SGCD: variants seen among roughly 807,000 people sequenced by gnomAD.
SGCD encodes sarcoglycan delta, also known as delta-sarcoglycan.
In SGCD, 18 loss-of-function variants were observed where a neutral mutation model predicts 36.6. The ratio of observed to expected loss-of-function variants is 0.49; its 90% CI spans 0.34 to 0.73. SGCD has a LOEUF of 0.73. SGCD is among the 30% of genes least tolerant of loss of function. The pLI, the probability that SGCD is intolerant of heterozygous loss-of-function variation, is 0.01. For synonymous variants in SGCD, 133 were observed against 130.6 expected, an observed-to-expected ratio of 1.02 and a Z score of -0.12; for missense variants, 387 against 346.7, an observed-to-expected ratio of 1.12 and a Z score of -0.92.
At chr5:155,890,034 A>G (rs995819542) in intron 1 of SGCD, among the ~76,000 whole-genome samples, 1 of 152,246 alleles carries the variant, frequency 6.6e-6, no homozygotes, top group East Asian at 1.9e-4. Flanking sequence ...ATCAAAGTGC[A>G]GATTCTAAGA....
chr5:156,734,278 G>A (rs565070048), intron 7 of SGCD, among the ~76,000 whole-genome samples: 95 of 151,738 alleles, frequency 6.3e-4, no homozygotes, highest in Middle Eastern at 3.4e-3. Context: ...CCTTTTGTAG[G>A]TGACCTGTCC....
chr5:155,799,643 G>T, the SGCD span, among the ~76,000 whole-genome samples: 1 of 151,362 alleles, frequency 6.6e-6, no homozygotes, highest in African/African-American at 2.4e-5. Flanking sequence ...TGGTCTGCTC[G>T]CCTCGGCCTC....
Position 156,593,827 on chromosome 5 carries a change from A to G in SGCD, c.383-1105A>G, listed in dbSNP as rs181500828. On this transcript the variant is annotated intron_variant, in intron 5 of 8. Transcript: ENST00000337851. ...GACTCTCTCATTGCTATTTATTATT[A>G]AGTGACACTCTTTTGAAAAATACCA... is the stretch of plus-strand genomic sequence containing the variant. 1.8e-3 allele frequency among the ~76,000 whole-genome samples: 277 copies of G among 152,280 alleles called. 4 individuals carry two copies. The highest frequency in any genetic ancestry group is 6.4e-3 in the African/African-American group (268 of 41,562).
Position 155,954,324 on chromosome 5 carries a change from G to A in SGCD, c.-282+83900G>A, listed in dbSNP as rs146219883. 3.0e-4 allele frequency among the ~76,000 whole-genome samples: 45 copies of A among 152,198 alleles called. No homozygotes were observed. The East Asian group carries it at 7.0e-3, about 24-fold the overall frequency. On this transcript the variant is annotated intron_variant, in intron 1 of 9. Transcript: ENST00000517913. ...CTTTTGCTTCTTAGGTCATAAATTCGCTTTCGACTGAATTAATTGCAGAAG... is the reference window on the plus strand; with the variant it reads ...CTTTTGCTTCTTAGGTCATAAATTCACTTTCGACTGAATTAATTGCAGAAG...
chr5:156,087,210 T>G (rs1239363490), intron 1 of SGCD, among the ~76,000 whole-genome samples: 1 of 152,212 alleles, frequency 6.6e-6, no homozygotes. Context: ...AGTGGAAATG[T>G]AGGGTCAGAC....
At chr5:156,736,498 C>T (rs1383912415) in intron 7 of SGCD, among the ~76,000 whole-genome samples, 8 of 152,146 alleles carry the variant, frequency 5.3e-5, no homozygotes, top group Admixed American at 5.2e-4. Context: ...ATAAAAAACA[C>T]TTACCTTTTA....
chr5:156,257,074 G>A (rs1380891364), intron 3 of SGCD, among the ~76,000 whole-genome samples: 2 of 151,998 alleles, frequency 1.3e-5, no homozygotes, highest in African/African-American at 4.8e-5. Flanking sequence ...TAGCTACTCA[G>A]GAGGCTGAGG....
chr5:156,060,213 A>G lies in SGCD; in HGVS notation c.-281-57665A>G, dbSNP rs760831178. Among the ~76,000 whole-genome samples the G allele has an allele frequency of 1.2e-4, 18 of 146,490 alleles. 4 individuals carry two copies. Among genetic ancestry groups the G allele is most frequent in the Non-Finnish European group, 2.2e-4 (14 of 65,018 alleles). ...GTGTGCAGGAGTAGATGCAATGATC[A>G]GTAAGTGTAGAGGAGAAATGTGGAG... On this transcript the variant is annotated intron_variant, in intron 1 of 9. Transcript: ENST00000517913.
At chr5:156,447,552 G>A (rs1036135543) in intron 3 of SGCD, among the ~76,000 whole-genome samples, 2 of 152,018 alleles carry the variant, frequency 1.3e-5, no homozygotes, top group African/African-American at 4.8e-5. Context: ...ATCTGATAAT[G>A]GAAACATATT....
chr5:156,023,218 A>G (rs1759148534), intron 1 of SGCD, among the ~76,000 whole-genome samples: 1 of 152,244 alleles, frequency 6.6e-6, no homozygotes, highest in Non-Finnish European at 1.5e-5. Context: ...TGCCTGGCAC[A>G]TAGTAGGAGC....
chr5:156,070,727 T>A (rs1760521492), intron 1 of SGCD, among the ~76,000 whole-genome samples: 1 of 152,154 alleles, frequency 6.6e-6, no homozygotes, highest in Non-Finnish European at 1.5e-5. Context: ...TCCTTGTACC[T>A]CTGGTAGAAT....
intron 1 of SGCD, among the ~76,000 whole-genome samples, chr5:155,941,487 G>T (rs915003202): frequency 6.6e-6 from 1 of 150,880 alleles, no homozygotes; most frequent in Admixed American, 6.6e-5. Context: ...TAATTATATT[G>T]CTATTAATAA....
At chr5:156,743,400 C>G (rs1756788629) in intron 7 of SGCD, among the ~76,000 whole-genome samples, 1 of 152,202 alleles carries the variant, frequency 6.6e-6, no homozygotes, top group African/African-American at 2.4e-5. Flanking sequence ...GCATGAACCA[C>G]CGCGCCCAGC....
chr5:156,044,759 A>G (rs1443131903), intron 1 of SGCD, among the ~76,000 whole-genome samples: 1 of 152,214 alleles, frequency 6.6e-6, no homozygotes, highest in East Asian at 1.9e-4. Flanking sequence ...TAGAAAATTA[A>G]TGAATACTCA....
chr5:156,204,963 A>G (rs936238816), intron 3 of SGCD, among the ~76,000 whole-genome samples: 9 of 152,118 alleles, frequency 5.9e-5, no homozygotes. Context: ...CACAGAAGGC[A>G]CAGAGATGTT....
At chr5:156,157,665 C>A (rs1037415978) in intron 3 of SGCD, among the ~76,000 whole-genome samples, 1 of 151,650 alleles carries the variant, frequency 6.6e-6, no homozygotes, top group African/African-American at 2.4e-5. Flanking sequence ...TGGTTGTCTT[C>A]TCTCATTGTT....
In SGCD at chr5:156,547,501, G is replaced by T. The variant is rs1044859183; in HGVS notation, c.294+38799G>T. Among the ~76,000 whole-genome samples, 4 of 151,194 alleles carry T rather than the reference G, an allele frequency of 2.6e-5. No individual in the cohort carries two copies. The East Asian group carries it at 5.8e-4, about 22-fold the overall frequency. ...TCTGTCACCCAGGCTGGAGTGCAGT[G>T]GTGCGATCCCTGCTCACTGCGAGCT... On this transcript the variant is annotated intron_variant, in intron 4 of 8. Transcript: ENST00000337851.
intron 6 of SGCD, among the ~76,000 whole-genome samples, chr5:156,622,300 G>T (rs1762279219): frequency 6.6e-6 from 1 of 151,756 alleles, no homozygotes; most frequent in Admixed American, 6.6e-5. Context: ...TGGCATGGTG[G>T]TGGGCGCCTG....
chr5:156,044,489 A>G (rs940712405), intron 1 of SGCD, among the ~76,000 whole-genome samples: 2 of 152,174 alleles, frequency 1.3e-5, no homozygotes, highest in South Asian at 2.1e-4. Flanking sequence ...AATGAATGGA[A>G]TCTTGCCAAT....
Sources: gnomAD v4.1 joint callset for allele counts (sites outside exome capture counted in the v4.1 genomes callset) on GRCh38, gnomAD v4.1.1 for gene constraint, MANE v1.5 for transcripts, NCBI Gene and HGNC (gene_info 2026-07-23, HGNC 2026-07-21) for gene names.